CDH12: variants seen among roughly 807,000 people sequenced by gnomAD.
CDH12 encodes cadherin 12.
Under a neutral mutation model 74.1 loss-of-function variants are expected in CDH12, and 41 were observed. The observed-to-expected ratio is 0.55, with a 90% CI of 0.43 to 0.72. The LOEUF is 0.72. Among genes scored for constraint, CDH12 ranks in the 30% least tolerant of loss-of-function variants. The pLI, the probability that CDH12 is intolerant of heterozygous loss-of-function variation, is 0.00. For synonymous variants in CDH12, 399 were observed against 355.0 expected, an observed-to-expected ratio of 1.12 and a Z score of -1.39; for missense variants, 945 against 977.2, an observed-to-expected ratio of 0.97 and a Z score of 0.44.
intron 2 of CDH12, among the ~76,000 whole-genome samples, chr5:22,414,404 T>C (rs1743295149): frequency 6.6e-6 from 1 of 151,900 alleles, no homozygotes; most frequent in Non-Finnish European, 1.5e-5. Context: ...GATTAACCAG[T>C]TCAATATGTC....
intron 3 of CDH12, among the ~76,000 whole-genome samples, chr5:22,240,559 A>C (rs1752710850): frequency 6.6e-6 from 1 of 152,200 alleles, no homozygotes; most frequent in African/African-American, 2.4e-5. Flanking sequence ...TTAGAGACAG[A>C]ATCTCGTTCC....
At chr5:22,452,901 A>AAT (rs1554041808) in intron 2 of CDH12, among the ~76,000 whole-genome samples, 15,994 of 124,752 alleles carry the variant, frequency 0.13, 937 homozygotes, top group Admixed American at 0.24. Context: ...AAAAAAAAAA[A>AAT]AAATGAGTTA....
intron 5 of CDH12, among the ~76,000 whole-genome samples, chr5:22,013,111 G>C (rs1182824704): frequency 6.6e-6 from 1 of 152,056 alleles, no homozygotes; most frequent in Non-Finnish European, 1.5e-5. Flanking sequence ...AACTGCCAGA[G>C]ACTGTGTAAT....
intron 1 of CDH12, among the ~76,000 whole-genome samples, chr5:22,758,521 T>A (rs1381385318): frequency 6.6e-6 from 1 of 150,608 alleles, no homozygotes; most frequent in African/African-American, 2.4e-5. Context: ...TTCTCTAACA[T>A]CCATTTGATT....
At chr5:22,843,613 GGTGTGTGT>G (rs3050972) in intron 1 of CDH12, among the ~76,000 whole-genome samples, 77 of 147,890 alleles carry the variant, frequency 5.2e-4, no homozygotes, top group South Asian at 6.5e-4. Flanking sequence ...TAACATTTGT[GGTGTGTGT>G]GTGTGTGTGT....
chr5:22,598,926 T>C (rs781377734), intron 1 of CDH12, among the ~76,000 whole-genome samples: 11 of 152,174 alleles, frequency 7.2e-5, no homozygotes, highest in Non-Finnish European at 1.5e-4. Flanking sequence ...CTGGAAGTCA[T>C]TGGCATTTTT....
intron 1 of CDH12, among the ~76,000 whole-genome samples, chr5:22,741,417 G>A (rs540033278): frequency 4.3e-4 from 66 of 152,244 alleles, no homozygotes; most frequent in African/African-American, 1.2e-3. Context: ...CATTATATCC[G>A]TTAGGATGCT....
At chr5:21,987,411 C>G (rs758011052) in intron 5 of CDH12, among the ~76,000 whole-genome samples, 4 of 152,034 alleles carry the variant, frequency 2.6e-5, no homozygotes, top group Non-Finnish European at 4.4e-5. Flanking sequence ...GCATTTTGTT[C>G]CACAGTCTCT....
chr5:22,323,139 A>G (rs1041546490), intron 3 of CDH12, among the ~76,000 whole-genome samples: 2 of 152,268 alleles, frequency 1.3e-5, no homozygotes, highest in South Asian at 2.1e-4. Flanking sequence ...TGTATACCAC[A>G]TCAGAAAGCT....
intron 5 of CDH12, among the ~76,000 whole-genome samples, chr5:22,068,031 T>C (rs1175245165): frequency 3.3e-5 from 5 of 151,976 alleles, no homozygotes; most frequent in Non-Finnish European, 7.4e-5. Context: ...AAAAACCTGC[T>C]ACCAGACCTT....
intron 11 of CDH12, among the ~76,000 whole-genome samples, chr5:21,781,371 A>T (rs1745898639): frequency 6.6e-6 from 1 of 152,180 alleles, no homozygotes; most frequent in Non-Finnish European, 1.5e-5. Context: ...TCACAAAATT[A>T]CATAAGAATT....
At chr5:22,210,887 C>T (rs1202884178) in intron 4 of CDH12, among the ~76,000 whole-genome samples, 1 of 151,126 alleles carries the variant, frequency 6.6e-6, no homozygotes, top group Admixed American at 6.6e-5. Flanking sequence ...GTAGTCAACA[C>T]ATTCTTCTCT....
At chr5:22,680,719 T>C (rs1345546566) in intron 1 of CDH12, among the ~76,000 whole-genome samples, 2 of 151,584 alleles carry the variant, frequency 1.3e-5, no homozygotes, top group Non-Finnish European at 2.9e-5. Flanking sequence ...CCACATAGAG[T>C]TTCTGGGGTT....
chr5:22,050,226 C>G (rs2150193282), intron 5 of CDH12, among the ~76,000 whole-genome samples: 1 of 152,172 alleles, frequency 6.6e-6, no homozygotes, highest in East Asian at 1.9e-4. Flanking sequence ...CATAAAGCGT[C>G]CCTGATTTTT....
chr5:22,360,100 T>C (rs942097068), intron 3 of CDH12, among the ~76,000 whole-genome samples: 2 of 151,700 alleles, frequency 1.3e-5, no homozygotes, highest in African/African-American at 4.8e-5. Context: ...CTGAAGGAGA[T>C]AGAGACACAA....
At chr5:22,338,774 G>T (rs1020555863) in intron 3 of CDH12, among the ~76,000 whole-genome samples, 5 of 152,218 alleles carry the variant, frequency 3.3e-5, no homozygotes, top group African/African-American at 1.2e-4. Context: ...AAAGATGATG[G>T]AGTGTCATAT....
chr5:22,681,232 T>G lies in CDH12; in HGVS notation c.-523+171826A>C, dbSNP rs1032965673. Among the ~76,000 whole-genome samples the G allele has an allele frequency of 5.4e-5, 8 of 147,426 alleles. 1 individual carries two copies. Among genetic ancestry groups the G allele is most frequent in the South Asian group, 4.3e-4 (2 of 4,656 alleles). ...TTAAGCTCCTGGGTATTGGGGGGTG[T>G]GTGTGTGTGTGTGTGTGTGTGTGTG... On this transcript the variant is annotated intron_variant, in intron 1 of 14. Transcript: ENST00000382254.
chr5:22,033,214 T>A (rs1738946306), intron 5 of CDH12, among the ~76,000 whole-genome samples: 1 of 152,184 alleles, frequency 6.6e-6, no homozygotes, highest in Non-Finnish European at 1.5e-5. Context: ...TGTAATTTAT[T>A]GCTCCAGGAA....
At chr5:21,872,290 T>A (rs1751663632) in intron 6 of CDH12, among the ~76,000 whole-genome samples, 1 of 152,192 alleles carries the variant, frequency 6.6e-6, no homozygotes, top group Non-Finnish European at 1.5e-5. Context: ...GTCCTAAATA[T>A]TTCAGACTAT....
Sources: allele counts gnomAD v4.1 joint callset (sites outside exome capture counted in the v4.1 genomes callset), GRCh38; gene constraint gnomAD v4.1.1; transcripts MANE v1.5; gene names NCBI Gene and HGNC (gene_info 2026-07-23, HGNC 2026-07-21).